The following NFIB variants were observed in gnomAD, a reference collection of about 807,000 sequenced individuals.
NFIB encodes the protein nuclear factor 1 B-type.
A neutral mutation model predicts 61.5 loss-of-function variants in NFIB; 11 were observed. The ratio of observed to expected loss-of-function variants is 0.18; its 90% confidence interval spans 0.11 to 0.30. The LOEUF is 0.30. Among genes scored for constraint, NFIB ranks in the 10% least tolerant of loss-of-function variants. NFIB has a pLI of 1.00. For missense variants in NFIB, 471 were observed against 608.9 expected, an observed-to-expected ratio of 0.77 and a Z score of 2.38; for synonymous variants, 260 against 216.5, an observed-to-expected ratio of 1.20 and a Z score of -1.76.
At chr9:14,340,930 C>T (rs564136328) in intron 1 of NFIB, among the ~76,000 whole-genome samples, 2 of 145,470 alleles carry the variant, frequency 1.4e-5, no homozygotes, top group African/African-American at 2.5e-5. Flanking sequence ...TGGGTGGGAG[C>T]GGGTGGGCGG....
chr9:14,342,891 A>G (rs13295646), intron 1 of NFIB, among the ~76,000 whole-genome samples: 34,779 of 151,758 alleles, frequency 0.23, 4,658 homozygotes, highest in Middle Eastern at 0.41. Flanking sequence ...TGTTTTTCAT[A>G]CTCTTCTCAG....
At chr9:14,518,789 T>A in the NFIB span, among the ~76,000 whole-genome samples, 2 of 151,942 alleles carry the variant, frequency 1.3e-5, no homozygotes, top group Non-Finnish European at 2.9e-5. Context: ...GAAGTAGAGA[T>A]CTCTCCTTCA....
At chr9:14,112,756 A>T (rs2037564474) in intron 10 of NFIB, among the ~76,000 whole-genome samples, 2 of 152,122 alleles carry the variant, frequency 1.3e-5, no homozygotes, top group Non-Finnish European at 2.9e-5. Flanking sequence ...AAACACTATT[A>T]CTCATGGATG....
intron 10 of NFIB, among the ~76,000 whole-genome samples, chr9:14,108,997 C>G (rs2118970068): frequency 6.6e-6 from 1 of 152,028 alleles, no homozygotes; most frequent in South Asian, 2.1e-4. Context: ...AGAATTTAGG[C>G]TCTTATTATG....
chr9:14,233,575 C>A (rs1471136944), intron 2 of NFIB, among the ~76,000 whole-genome samples: 1 of 151,928 alleles, frequency 6.6e-6, no homozygotes, highest in East Asian at 1.9e-4. Flanking sequence ...ATTACAGGCC[C>A]AGGCCACCAC....
In NFIB at chr9:14,088,063, A is replaced by G. The variant is rs533104377; in HGVS notation, c.*246T>C. 2.6e-6 allele frequency: 2 copies of G among 759,784 alleles called. No individual in the cohort carries two copies. The highest frequency in any genetic ancestry group is 3.3e-5 in the East Asian group (1 of 30,712). 47.1% of individuals were successfully genotyped at this position (759,784 alleles called of 1,614,324 possible). A position where few individuals can be genotyped will look rare whatever the true frequency, so the allele number is the denominator to read the frequency against. On this transcript the variant is annotated 3_prime_UTR_variant, in exon 11 of 11. Transcript: ENST00000380953. Reference sequence around the variant, plus strand: ...GGAATTAGTGATTGTAAGTGCTGCAATTGCTGGTCTATTATCTTCTTTCTT... The same window carrying G: ...GGAATTAGTGATTGTAAGTGCTGCAGTTGCTGGTCTATTATCTTCTTTCTT...
chr9:14,210,884 G>A (rs536066447), intron 2 of NFIB, among the ~76,000 whole-genome samples: 5 of 151,962 alleles, frequency 3.3e-5, no homozygotes, highest in Middle Eastern at 3.2e-3. Flanking sequence ...CAAAATAGCC[G>A]CATCTCTTGT....
At chr9:14,301,601 T>TC (rs1435564503) in intron 2 of NFIB, among the ~76,000 whole-genome samples, 1 of 151,732 alleles carries the variant, frequency 6.6e-6, no homozygotes, top group Non-Finnish European at 1.5e-5. Context: ...CCCCCACCCT[T>TC]CCCTTTGAAA....
intron 7 of NFIB, among the ~76,000 whole-genome samples, chr9:14,123,615 T>G (rs2039230202): frequency 6.6e-6 from 1 of 152,226 alleles, no homozygotes; most frequent in Non-Finnish European, 1.5e-5. Flanking sequence ...ACGAAGATAT[T>G]TGTGGATCCT....
chr9:14,326,662 C>G (rs941121399), intron 1 of NFIB, among the ~76,000 whole-genome samples: 1 of 146,226 alleles, frequency 6.8e-6, no homozygotes, highest in African/African-American at 2.5e-5. Context: ...CATGCACCAA[C>G]CAGAGGTTTT....
chr9:14,295,501 G>T lies in NFIB; in HGVS notation c.562+11488C>A, dbSNP rs543922269. On this transcript the variant is annotated intron_variant, in intron 2 of 10. Transcript: ENST00000380953. Reference sequence around the variant, plus strand: ...AAAAACTCAGCCGGGCGTGGGGAAGGGCGCCTGTAGTCCCAGCTACTCGGC... The same window carrying T: ...AAAAACTCAGCCGGGCGTGGGGAAGTGCGCCTGTAGTCCCAGCTACTCGGC... Among the ~76,000 whole-genome samples the T allele has an allele frequency of 5.3e-5, 8 of 152,128 alleles. No homozygotes were observed. The East Asian group carries it at 1.4e-3, about 26-fold the overall frequency.
intron 2 of NFIB, among the ~76,000 whole-genome samples, chr9:14,281,561 T>C (rs1184345440): frequency 1.3e-5 from 2 of 152,234 alleles, no homozygotes; most frequent in East Asian, 1.9e-4. Context: ...CACACTTTTC[T>C]AGCTTGCTGC....
the NFIB span, among the ~76,000 whole-genome samples, chr9:14,417,238 A>G: frequency 6.6e-6 from 1 of 152,054 alleles, no homozygotes. Flanking sequence ...CTGTGTCTAG[A>G]TATGTTTAGG....
intron 1 of NFIB, among the ~76,000 whole-genome samples, chr9:14,381,863 G>A (rs986038277): frequency 1.3e-5 from 2 of 152,256 alleles, no homozygotes; most frequent in Admixed American, 6.5e-5. Context: ...TCGGTTGAAT[G>A]AATGAATAAG....
intron 6 of NFIB, among the ~76,000 whole-genome samples, chr9:14,135,664 G>T (rs1253193142): frequency 6.6e-6 from 1 of 152,028 alleles, no homozygotes; most frequent in Admixed American, 6.6e-5. Flanking sequence ...TGTTAAGAAA[G>T]TATCTCCTTA....
chr9:14,329,417 C>T (rs531870801), intron 1 of NFIB, among the ~76,000 whole-genome samples: 1 of 152,128 alleles, frequency 6.6e-6, no homozygotes, highest in African/African-American at 2.4e-5. Flanking sequence ...CTTTTATGCT[C>T]CAGGTCATAA....
the NFIB span, among the ~76,000 whole-genome samples, chr9:14,408,659 G>A: frequency 1.3e-5 from 2 of 152,188 alleles, no homozygotes; most frequent in African/African-American, 4.8e-5. Context: ...TGGGTACAAC[G>A]AAAGTTGGAT....
chr9:14,224,768 A>T (rs1216844439), intron 2 of NFIB, among the ~76,000 whole-genome samples: 1 of 152,226 alleles, frequency 6.6e-6, no homozygotes, highest in Admixed American at 6.5e-5. Context: ...TCCTAGAACC[A>T]ATTCCCCCAA....
the NFIB span, among the ~76,000 whole-genome samples, chr9:14,415,527 G>A: frequency 6.6e-6 from 1 of 152,176 alleles, no homozygotes; most frequent in Non-Finnish European, 1.5e-5. Context: ...CACCTCAGAG[G>A]CTGTCTAATG....
Sources: allele counts gnomAD v4.1 joint callset (sites outside exome capture counted in the v4.1 genomes callset), GRCh38; gene constraint gnomAD v4.1.1; transcripts MANE v1.5; gene names NCBI Gene and HGNC (gene_info 2026-07-23, HGNC 2026-07-21).